The following SOX5 variants were observed in gnomAD, a reference collection of about 807,000 sequenced individuals.
SOX5 encodes SRY-box transcription factor 5.
In SOX5, 9 loss-of-function variants were observed where a neutral mutation model predicts 92.0. The ratio of observed to expected loss-of-function variants is 0.10; its 90% CI spans 0.06 to 0.17. The LOEUF is 0.17. Ranked by LOEUF, SOX5 falls within the 10% of genes least tolerant of loss-of-function variation. The pLI is 1.00. For missense variants in SOX5, 642 were observed against 944.5 expected, an observed-to-expected ratio of 0.68 and a Z score of 4.20; for synonymous variants, 344 against 336.3, an observed-to-expected ratio of 1.02 and a Z score of -0.25.
intron 2 of SOX5, among the ~76,000 whole-genome samples, chr12:23,887,560 G>A (rs555606316): frequency 7.2e-5 from 11 of 152,178 alleles, no homozygotes; most frequent in Admixed American, 2.6e-4. Context: ...GTAAGTCTCC[G>A]GCATTGCTTC....
At chr12:24,114,945 A>T (rs1947824522) in intron 4 of SOX5, among the ~76,000 whole-genome samples, 1 of 151,688 alleles carries the variant, frequency 6.6e-6, no homozygotes, top group African/African-American at 2.4e-5. Context: ...CTAACTAAAT[A>T]AAGTAAAATA....
intron 11 of SOX5, among the ~76,000 whole-genome samples, chr12:23,562,720 C>T (rs1395721218): frequency 6.6e-6 from 1 of 152,108 alleles, no homozygotes; most frequent in Non-Finnish European, 1.5e-5. Flanking sequence ...AGTTATAATA[C>T]AAATAACGTC....
At position 23,530,341 on chromosome 12, in the gene SOX5, T is replaced by C. The variant is rs1039506733; in HGVS notation, c.*3878A>G. On this transcript the variant is annotated 3_prime_UTR_variant, in exon 15 of 15. Coordinates refer to ENST00000451604, the MANE Select transcript of SOX5 (RefSeq NM_006940.6). ...TTCTTCTGGGAACAGTCACAGCTTC[T>C]GGATTAAGAAAATATCTGAAGTTGG... is the stretch of plus-strand genomic sequence containing the variant. The C allele has an allele frequency of 2.0e-5, 3 of 152,238 alleles. No individual in the cohort carries two copies. Among genetic ancestry groups the C allele is most frequent in the Non-Finnish European group, 4.4e-5 (3 of 68,040 alleles). 9.4% of individuals were successfully genotyped at this position (152,238 alleles called of 1,614,324 possible). A position where few individuals can be genotyped will look rare whatever the true frequency, so the allele number is the denominator to read the frequency against.
At chr12:23,819,029 TAGG>T (rs1157661588) in intron 3 of SOX5, among the ~76,000 whole-genome samples, 1 of 152,160 alleles carries the variant, frequency 6.6e-6, no homozygotes, top group African/African-American at 2.4e-5. Context: ...TTTTAATAAG[TAGG>T]AGTATACTCT....
intron 4 of SOX5, among the ~76,000 whole-genome samples, chr12:24,006,495 C>T (rs544389871): frequency 1.3e-5 from 2 of 152,024 alleles, no homozygotes; most frequent in Admixed American, 1.3e-4. Context: ...GCATAAGTCA[C>T]TCAGTCCCTT....
intron 4 of SOX5, among the ~76,000 whole-genome samples, chr12:24,167,054 T>C (rs2139069078): frequency 1.3e-5 from 2 of 152,340 alleles, no homozygotes; most frequent in Middle Eastern, 3.4e-3. Context: ...CTGTAAAATG[T>C]CATTTGGATG....
intron 1 of SOX5, among the ~76,000 whole-genome samples, chr12:23,943,615 C>G (rs1944051998): frequency 6.6e-6 from 1 of 152,006 alleles, no homozygotes; most frequent in Non-Finnish European, 1.5e-5. Context: ...GATTTAGCCA[C>G]AGCAAAACAA....
chr12:24,553,558 A>G (rs1431515728), intron 1 of SOX5, among the ~76,000 whole-genome samples: 2 of 152,220 alleles, frequency 1.3e-5, no homozygotes, highest in Non-Finnish European at 2.9e-5. Context: ...TAGGACTACA[A>G]TTCAATGCCC....
At chr12:23,728,056 C>T (rs1242433461) in intron 6 of SOX5, among the ~76,000 whole-genome samples, 1 of 151,836 alleles carries the variant, frequency 6.6e-6, no homozygotes, top group African/African-American at 2.4e-5. Flanking sequence ...TTTAAAGTGG[C>T]TCCCTCTGAG....
chr12:24,498,529 C>A (rs1034342239), intron 1 of SOX5, among the ~76,000 whole-genome samples: 1 of 152,236 alleles, frequency 6.6e-6, no homozygotes, highest in East Asian at 1.9e-4. Context: ...AGCATTAATT[C>A]TAAATACTTA....
At chr12:24,178,186 C>T (rs925317173) in intron 4 of SOX5, among the ~76,000 whole-genome samples, 5 of 150,884 alleles carry the variant, frequency 3.3e-5, no homozygotes, top group East Asian at 1.9e-4. Context: ...GAGATCCCAT[C>T]GGCCAACTTT....
chr12:23,846,822 T>C (rs1472957340), intron 2 of SOX5, among the ~76,000 whole-genome samples: 1 of 152,178 alleles, frequency 6.6e-6, no homozygotes, highest in East Asian at 1.9e-4. Context: ...GATGAAGACA[T>C]TTTCAACTTC....
intron 1 of SOX5, among the ~76,000 whole-genome samples, chr12:24,494,199 T>C (rs1947380926): frequency 6.6e-6 from 1 of 152,040 alleles, no homozygotes; most frequent in Non-Finnish European, 1.5e-5. Context: ...ACACTTTCGT[T>C]CCCCCTACAG....
chr12:24,262,082 T>C (rs1477085725), intron 3 of SOX5, among the ~76,000 whole-genome samples: 1 of 152,164 alleles, frequency 6.6e-6, no homozygotes, highest in East Asian at 1.9e-4. Flanking sequence ...CAGGCATCAT[T>C]AGATAAAAAC....
intron 4 of SOX5, among the ~76,000 whole-genome samples, chr12:23,982,823 A>C (rs931102988): frequency 2.6e-5 from 4 of 152,122 alleles, no homozygotes; most frequent in African/African-American, 9.7e-5. Flanking sequence ...TTTTAAATTT[A>C]TATTTTCTTA....
At chr12:24,267,508 T>G (rs925040720) in intron 3 of SOX5, among the ~76,000 whole-genome samples, 2 of 152,202 alleles carry the variant, frequency 1.3e-5, no homozygotes, top group Admixed American at 6.5e-5. Flanking sequence ...CACTTATGTA[T>G]GCAAAATATA....
chr12:24,487,640 C>A (rs1006681787), intron 1 of SOX5, among the ~76,000 whole-genome samples: 1 of 152,120 alleles, frequency 6.6e-6, no homozygotes, highest in Admixed American at 6.5e-5. Flanking sequence ...TAAGACAGAG[C>A]TATTCCAGAG....
At chr12:24,467,787 C>G (rs1944384882) in intron 1 of SOX5, among the ~76,000 whole-genome samples, 1 of 152,090 alleles carries the variant, frequency 6.6e-6, no homozygotes, top group South Asian at 2.1e-4. Flanking sequence ...GGATAAACTG[C>G]CTGCTATTTG....
chr12:24,393,504 AGTAG>A lies in SOX5; in HGVS notation c.-250-24869_-250-24866del, dbSNP rs1402082556. On this transcript the variant is annotated intron_variant, in intron 1 of 4. Transcript: ENST00000446891. The surrounding 1 kb of genome is among the most constrained non-coding windows in gnomAD (Gnocchi z 5.0). ...TGAGTCTACCACCCACCCCAAAATA[AGTAG>A]GTATCTGAATAATGAGATCTGTAAA... is the stretch of plus-strand genomic sequence containing the variant. 4.6e-5 allele frequency among the ~76,000 whole-genome samples: 7 copies of A among 152,206 alleles called. No homozygotes were observed. The highest frequency in any genetic ancestry group is 4.4e-5 in the Non-Finnish European group (3 of 68,042).
Sources: gnomAD v4.1 joint callset for allele counts (sites outside exome capture counted in the v4.1 genomes callset) on GRCh38, gnomAD v4.1.1 for gene constraint, Gnocchi (gnomAD v3.1) non-coding constraint, MANE v1.5 for transcripts, NCBI Gene and HGNC (gene_info 2026-07-23, HGNC 2026-07-21) for gene names.